TXLNG: variants seen among roughly 807,000 people sequenced by gnomAD.
The protein encoded by TXLNG is gamma-taxilin.
A neutral mutation model predicts 38.8 loss-of-function variants in TXLNG; 5 were observed. The observed-to-expected ratio is 0.13, with a 90% CI of 0.07 to 0.27. The LOEUF (loss-of-function observed/expected upper bound fraction) is 0.27. TXLNG is among the 10% of genes least tolerant of loss of function. The probability of loss-of-function intolerance (pLI) is 1.00; values close to 1 mark genes in which losing one functional copy is unlikely to be tolerated. For missense variants in TXLNG, 393 were observed against 398.2 expected, an observed-to-expected ratio of 0.99 and a Z score of 0.11; for synonymous variants, 182 against 158.2, an observed-to-expected ratio of 1.15 and a Z score of -1.13.
intron 8 of TXLNG, among the ~76,000 whole-genome samples, chrX:16,839,031 G>A (rs186202010): frequency 3.6e-5 from 4 of 112,017 alleles, no homozygotes; most frequent in East Asian, 5.6e-4. Flanking sequence ...TCAATGCCCC[G>A]ACCTGGATCA....
chrX:16,820,085 C>G, intron 2 of TXLNG, 79 bp from the exon 3 acceptor site: 1 of 739,615 alleles, frequency 1.4e-6, no homozygotes, highest in Non-Finnish European at 2.0e-6. Context: ...TGTCAGAGCA[C>G]GGGAATTGTT....
At chrX:16,795,871 G>A (rs985913436) in intron 1 of TXLNG, among the ~76,000 whole-genome samples, 5 of 105,896 alleles carry the variant, frequency 4.7e-5, no homozygotes, top group African/African-American at 1.7e-4. Context: ...GGAGTGCAGT[G>A]GTGCGATCTC....
At chrX:16,789,007 T>G (rs1272636171) in intron 1 of TXLNG, among the ~76,000 whole-genome samples, 1 of 112,289 alleles carries the variant, frequency 8.9e-6, no homozygotes, top group East Asian at 2.8e-4. Flanking sequence ...TACTTCATTG[T>G]GTCCCTTAAT....
chrX:16,791,766 A>G (rs1231146985), intron 1 of TXLNG, among the ~76,000 whole-genome samples: 1 of 110,917 alleles, frequency 9.0e-6, no homozygotes, highest in Non-Finnish European at 1.9e-5. Flanking sequence ...TTGTATTTTT[A>G]GTAGAGATGG....
intron 3 of TXLNG, among the ~76,000 whole-genome samples, chrX:16,824,429 T>A (rs1337076718): frequency 8.9e-6 from 1 of 112,249 alleles, no homozygotes; most frequent in Admixed American, 9.5e-5. Context: ...CCAAATAGAT[T>A]AAAGGCTTAA....
intron 3 of TXLNG, among the ~76,000 whole-genome samples, chrX:16,823,197 G>T (rs1929038601): frequency 9.0e-6 from 1 of 110,854 alleles, no homozygotes; most frequent in African/African-American, 3.3e-5. Flanking sequence ...TATAGGCCGG[G>T]CGTATAATCC....
intron 4 of TXLNG, among the ~76,000 whole-genome samples, chrX:16,829,086 T>C (rs1478895456): frequency 8.9e-6 from 1 of 111,952 alleles, no homozygotes; most frequent in Non-Finnish European, 1.9e-5. Context: ...AGTTCAGACA[T>C]GTAAAGGTCT....
At chrX:16,789,688 A>T (rs1306231573) in intron 1 of TXLNG, among the ~76,000 whole-genome samples, 3 of 107,053 alleles carry the variant, frequency 2.8e-5, no homozygotes, top group East Asian at 2.9e-4. Context: ...AGGTTGATTT[A>T]AAAAAAAATT....
Position 16,829,662 on chromosome X carries a change from A to G in TXLNG, c.756A>G (p.Gln252=), listed in dbSNP as rs758930605. ...TCCAGATTACCTTAAATGAAATTCA[A>G]GCCCAGCTGGAGCAGCATGACATCC... ...AHFQITLNEI[Q]AQLEQHDIHN... The change falls in exon 5 of 10, where the codon CAA becomes CAG. Residue 252 remains glutamine, a synonymous_variant. Coordinates refer to ENST00000380122, the MANE Select transcript of TXLNG (RefSeq NM_018360.3). 1.6e-6 allele frequency: 2 copies of G among 1,212,202 alleles called. No homozygotes were observed. Among genetic ancestry groups the G allele is most frequent in the South Asian group, 1.8e-5 (1 of 57,016 alleles).
At chrX:16,824,767 A>T in intron 3 of TXLNG, among the ~76,000 whole-genome samples, 2 of 109,388 alleles carry the variant, frequency 1.8e-5, no homozygotes, top group Non-Finnish European at 3.8e-5. Context: ...AAAAATAAAA[A>T]AAAAAAAATT....
chrX:16,830,931 C>A (rs769241519), intron 5 of TXLNG, among the ~76,000 whole-genome samples: 2 of 98,995 alleles, frequency 2.0e-5, no homozygotes, highest in East Asian at 7.1e-4. Context: ...GTCTTGAACT[C>A]CTGGGCTCAG....
In TXLNG at chrX:16,841,709, C is replaced by T. The variant is rs756144052; in HGVS notation, c.1530C>T (p.Ser510=). 105 of 1,210,210 alleles carry T rather than the reference C, an allele frequency of 8.7e-5. 1 individual carries two copies. In the South Asian group the frequency reaches 1.4e-3, roughly 16 times the overall value. ...AGGCTGAGCCCAAGAGTCAGAGAAGCGCTGTGCAAAAGCCCCCGTCCACAG... is the reference window on the plus strand; with the variant it reads ...AGGCTGAGCCCAAGAGTCAGAGAAGTGCTGTGCAAAAGCCCCCGTCCACAG... The part of the protein sequence containing the change: ...HLEAEPKSQR[S]AVQKPPSTGS... The change falls in exon 10 of 10, where the codon AGC becomes AGT. Residue 510 remains serine (S), a synonymous_variant. Transcript: ENST00000380122.
intron 6 of TXLNG, among the ~76,000 whole-genome samples, chrX:16,833,754 A>G (rs1417526059): frequency 1.8e-5 from 2 of 111,742 alleles, no homozygotes; most frequent in African/African-American, 6.5e-5. Context: ...ACAACTGCCT[A>G]CTATGCAACT....
chrX:16,806,827 G>T (rs1470812942), intron 1 of TXLNG, among the ~76,000 whole-genome samples: 1 of 107,610 alleles, frequency 9.3e-6, no homozygotes, highest in African/African-American at 3.4e-5. Flanking sequence ...TGAGGCAGGA[G>T]AATTGCTTGA....
At chrX:16,822,490 C>G (rs1389803189) in intron 3 of TXLNG, among the ~76,000 whole-genome samples, 1 of 111,930 alleles carries the variant, frequency 8.9e-6, no homozygotes, top group African/African-American at 3.2e-5. Context: ...AGAGCAGTCA[C>G]AAATGCAAAG....
intron 3 of TXLNG, among the ~76,000 whole-genome samples, chrX:16,823,555 C>A (rs1288370956): frequency 9.1e-6 from 1 of 109,713 alleles, no homozygotes; most frequent in Non-Finnish European, 1.9e-5. Flanking sequence ...GAAAAGTTCC[C>A]TTCCCTTTTG....
At chrX:16,840,909 T>C (rs1329492827) in intron 9 of TXLNG, among the ~76,000 whole-genome samples, 2 of 110,988 alleles carry the variant, frequency 1.8e-5, no homozygotes, top group Non-Finnish European at 3.8e-5. Context: ...ATAGGAAATG[T>C]CTTAAAAAGT....
At position 16,810,725 on chromosome X, in the gene TXLNG, A is replaced by G. The variant is rs1260491339; in HGVS notation, c.103-7849A>G. 6.2e-5 allele frequency among the ~76,000 whole-genome samples: 7 copies of G among 112,166 alleles called. No individual in the cohort carries two copies. The South Asian group carries it at 1.1e-3, about 18-fold the overall frequency. On this transcript the variant is annotated intron_variant, in intron 1 of 9. Transcript: ENST00000380122. ...TTTGTTTGAGACAGAGTCTTGCTCTATTGCCCAGGCTGGAGTACAGTGGTG... is the reference window on the plus strand; with the variant it reads ...TTTGTTTGAGACAGAGTCTTGCTCTGTTGCCCAGGCTGGAGTACAGTGGTG...
chrX:16,809,073 C>T (rs1928420024), intron 1 of TXLNG, among the ~76,000 whole-genome samples: 1 of 111,638 alleles, frequency 9.0e-6, no homozygotes, highest in Admixed American at 9.6e-5. Context: ...ATTTATCTGT[C>T]CCTTCACCCA....
Sources: gnomAD v4.1 joint callset for allele counts (sites outside exome capture counted in the v4.1 genomes callset) on GRCh38, gnomAD v4.1.1 for gene constraint, MANE v1.5 for transcripts, NCBI Gene and HGNC (gene_info 2026-07-23, HGNC 2026-07-21) for gene names.